The following RIN2 variants were observed in gnomAD, a reference collection of about 807,000 sequenced individuals.
The protein encoded by RIN2 is Ras and Rab interactor 2.
A neutral mutation model predicts 78.0 loss-of-function variants in RIN2; 36 were observed. That is an observed-to-expected ratio of 0.46 (90% CI 0.35 to 0.61). The LOEUF (loss-of-function observed/expected upper bound fraction) is 0.61, where lower values mean the gene tolerates loss of function less well. Ranked by LOEUF, RIN2 falls within the 20% of genes least tolerant of loss-of-function variation. The probability of loss-of-function intolerance (pLI) is 0.00; values close to 1 mark genes in which losing one functional copy is unlikely to be tolerated. For synonymous variants in RIN2, 466 were observed against 466.8 expected, an observed-to-expected ratio of 1.00 and a Z score of 0.02; for missense variants, 1,087 against 1,159.7, an observed-to-expected ratio of 0.94 and a Z score of 0.91.
chr20:19,947,459 A>C (rs2041142238), intron 4 of RIN2, among the ~76,000 whole-genome samples: 1 of 152,142 alleles, frequency 6.6e-6, no homozygotes, highest in African/African-American at 2.4e-5. Context: ...ACAGTTCTTT[A>C]TGTTTGGGAG....
At chr20:19,935,294 C>A in intron 4 of RIN2, 95 bp downstream of exon 4, 1 of 1,275,670 alleles carries the variant, frequency 7.8e-7, no homozygotes. Flanking sequence ...CCTCAGAAGT[C>A]TGGGAGCTGG....
Position 19,998,281 on chromosome 20 carries a change from C to T in RIN2, c.2364+1439C>T, listed in dbSNP as rs138571754. 2.6e-3 allele frequency among the ~76,000 whole-genome samples: 386 copies of T among 147,592 alleles called. 1 individual carries two copies. The highest frequency in any genetic ancestry group is 8.7e-3 in the African/African-American group (358 of 41,170). On this transcript the variant is annotated intron_variant, in intron 12 of 12. Coordinates refer to ENST00000255006, the MANE Select transcript of RIN2 (RefSeq NM_018993.4). ...ACAGGCGTGAGCCACTGCGCCTGGC[C>T]ATTTTTTTTTTTTATAAGAGCTCTG...
intron 4 of RIN2, chr20:19,935,488 T>C: frequency 5.1e-6 from 6 of 1,169,192 alleles, no homozygotes; most frequent in African/African-American, 1.6e-5. Context: ...CTCCCAATGA[T>C]GGAAACAGTA....
At chr20:19,927,820 G>A (rs915642796) in intron 3 of RIN2, among the ~76,000 whole-genome samples, 1 of 152,168 alleles carries the variant, frequency 6.6e-6, no homozygotes, top group Non-Finnish European at 1.5e-5. Context: ...ACAGCACTGG[G>A]ATTATAGGGG....
chr20:19,785,161 T>C (rs1215227725), intron 1 of RIN2, among the ~76,000 whole-genome samples: 6 of 151,430 alleles, frequency 4.0e-5, no homozygotes, highest in African/African-American at 1.2e-4. Context: ...GTAAAGAAAA[T>C]AGATGACAAA....
At chr20:19,982,305 G>A (rs930350211) in intron 9 of RIN2, among the ~76,000 whole-genome samples, 2 of 152,140 alleles carry the variant, frequency 1.3e-5, no homozygotes, top group Non-Finnish European at 2.9e-5. Context: ...CTTCTTTGAC[G>A]GTCAGAAACC....
rs2036718220 is a variant in RIN2 at position 19,844,692 on chromosome 20, C to CTCCTCTTCTTCTTCTTCTTCT, written c.-36-44872_-36-44871insCTCTTCTTCTTCTTCTTCTTC. 1.7e-5 allele frequency among the ~76,000 whole-genome samples: 2 copies of CTCCTCTTCTTCTTCTTCTTCT among 117,626 alleles called. 1 individual carries two copies. The highest frequency in any genetic ancestry group is 6.7e-5 in the African/African-American group (2 of 29,916). The allele number at this position is 117,626 out of a possible 152,430, so 77.2% of individuals were successfully genotyped here. On this transcript the variant is annotated intron_variant, in intron 2 of 12. Coordinates refer to ENST00000255006, the MANE Select transcript of RIN2 (RefSeq NM_018993.4). ...TTCCTTCTTCTTCTTCTTCCTCTTC[C>CTCCTCTTCTTCTTCTTCTTCT]TCTTCCTCTTCTTCTTCTTCTTCTT...
chr20:19,841,127 A>T (rs912598208), intron 2 of RIN2, among the ~76,000 whole-genome samples: 3 of 152,074 alleles, frequency 2.0e-5, no homozygotes, highest in Admixed American at 2.0e-4. Flanking sequence ...TGAGAGTGAG[A>T]GTGGCTATTC....
chr20:19,904,826 A>G (rs1348249281), intron 3 of RIN2, among the ~76,000 whole-genome samples: 3 of 152,176 alleles, frequency 2.0e-5, no homozygotes, highest in African/African-American at 7.2e-5. Context: ...AAGAAAACCA[A>G]AGTGCAATTA....
At chr20:19,759,638 G>A (rs1007171638) in intron 1 of RIN2, among the ~76,000 whole-genome samples, 1 of 152,120 alleles carries the variant, frequency 6.6e-6, no homozygotes, top group Non-Finnish European at 1.5e-5. Flanking sequence ...GCCAAGGCAG[G>A]CAGATCACTT....
rs767161998 is a variant in RIN2 at position 19,792,000 on chromosome 20, T to C, written c.-162-7622T>C. On this transcript the variant is annotated intron_variant, in intron 1 of 12. Transcript: ENST00000255006. The stretch of plus-strand genomic sequence containing the variant: ...TTTCCTTCCCTCCCCCATCCAGCTT[T>C]TTCTCAGGTTGTTTCCATGGTTGGG... Among the ~76,000 whole-genome samples, 8 of 152,340 alleles carry C rather than the reference T, an allele frequency of 5.3e-5. No individual in the cohort carries two copies. The South Asian group carries it at 6.2e-4, about 12-fold the overall frequency.
chr20:19,767,012 C>G (rs984063548), intron 1 of RIN2, among the ~76,000 whole-genome samples: 1 of 152,048 alleles, frequency 6.6e-6, no homozygotes, highest in Non-Finnish European at 1.5e-5. Flanking sequence ...AAAAGTTCTC[C>G]TTCACCTGCT....
chr20:19,860,707 G>A (rs1231072877), intron 2 of RIN2, among the ~76,000 whole-genome samples: 2 of 152,188 alleles, frequency 1.3e-5, no homozygotes, highest in Non-Finnish European at 2.9e-5. Flanking sequence ...ACTCCCCATG[G>A]AGTCTGGATG....
intron 4 of RIN2, chr20:19,935,494 C>T: frequency 8.7e-7 from 1 of 1,152,558 alleles, no homozygotes; most frequent in Admixed American, 4.5e-5. Flanking sequence ...ATGATGGAAA[C>T]AGTAATGCAG....
At chr20:19,982,604 T>C (rs1182318361) in intron 9 of RIN2, among the ~76,000 whole-genome samples, 1 of 152,170 alleles carries the variant, frequency 6.6e-6, no homozygotes, top group Non-Finnish European at 1.5e-5. Flanking sequence ...GGGTGCTTGG[T>C]CATATTTCTT....
At position 20,001,495 on chromosome 20, in the gene RIN2, A is replaced by G. The variant is rs1241857195; in HGVS notation, c.*559A>G. On this transcript the variant is annotated 3_prime_UTR_variant, in exon 13 of 13. Transcript: ENST00000255006. ...TATTTTTGTAACTTTAAAATATTCTATAATTATGCATGTGATTTTAACATT... is the reference window on the plus strand; with the variant it reads ...TATTTTTGTAACTTTAAAATATTCTGTAATTATGCATGTGATTTTAACATT... The G allele has an allele frequency of 1.3e-5, 2 of 151,218 alleles. No homozygotes were observed. Among genetic ancestry groups the G allele is most frequent in the East Asian group, 2.0e-4 (1 of 5,108 alleles). The allele number at this position is 151,218 out of a possible 1,614,324, so 9.4% of individuals were successfully genotyped here.
Position 19,803,592 on chromosome 20 carries a change from C to G in RIN2, c.-37+3845C>G, listed in dbSNP as rs568440382. Among the ~76,000 whole-genome samples the G allele has an allele frequency of 1.5e-4, 23 of 152,280 alleles. 1 individual carries two copies. The South Asian group carries it at 3.3e-3, about 22-fold the overall frequency. ...CTTATACCTTACACAAAAATCAACTCAAGATGGATTAAAGACTTAAATGTA... is the reference window on the plus strand; with the variant it reads ...CTTATACCTTACACAAAAATCAACTGAAGATGGATTAAAGACTTAAATGTA... On this transcript the variant is annotated intron_variant, in intron 2 of 12. Transcript: ENST00000255006.
chr20:19,900,961 A>G (rs978065242), intron 3 of RIN2, among the ~76,000 whole-genome samples: 6 of 149,904 alleles, frequency 4.0e-5, no homozygotes, highest in Admixed American at 4.0e-4. Flanking sequence ...AAAAAAAAAA[A>G]AAAAAAAAAA....
intron 2 of RIN2, among the ~76,000 whole-genome samples, chr20:19,822,701 C>T (rs1232742606): frequency 6.6e-6 from 1 of 152,078 alleles, no homozygotes; most frequent in African/African-American, 2.4e-5. Flanking sequence ...TGTTAAAGCA[C>T]CAAATACATC....
Sources: gnomAD v4.1 joint callset for allele counts (sites outside exome capture counted in the v4.1 genomes callset) on GRCh38, gnomAD v4.1.1 for gene constraint, MANE v1.5 for transcripts, NCBI Gene and HGNC (gene_info 2026-07-23, HGNC 2026-07-21) for gene names.